Variants in GRIP1 observed in about 807,000 individuals in gnomAD.
GRIP1 encodes the protein glutamate receptor-interacting protein 1.
Under a neutral mutation model 129.9 loss-of-function variants are expected in GRIP1, and 45 were observed. The ratio of observed to expected loss-of-function variants is 0.35; its 90% CI spans 0.27 to 0.44. The LOEUF (loss-of-function observed/expected upper bound fraction) is 0.44, where lower values mean the gene tolerates loss of function less well. GRIP1 is among the 20% of genes least tolerant of loss of function. The pLI, the probability that GRIP1 is intolerant of heterozygous loss-of-function variation, is 1.00. For synonymous variants in GRIP1, 530 were observed against 520.8 expected (o/e 1.02, Z -0.24); for missense variants, 1,196 against 1,396.8 (o/e 0.86, Z 2.29).
chr12:66,926,825 A>G (rs1266086438), intron 1 of GRIP1, among the ~76,000 whole-genome samples: 1 of 152,244 alleles, frequency 6.6e-6, no homozygotes, highest in Non-Finnish European at 1.5e-5. Context: ...CTCTATTAAA[A>G]TAACAAAGCA....
upstream of GRIP1, among the ~76,000 whole-genome samples, chr12:66,682,682 A>G (rs2034631576): frequency 6.6e-6 from 1 of 152,144 alleles, no homozygotes; most frequent in African/African-American, 2.4e-5. Context: ...CGCTGTTTGG[A>G]GGTTCTTCTG....
chr12:66,537,936 A>G (rs2061655927), intron 4 of GRIP1, among the ~76,000 whole-genome samples: 1 of 152,232 alleles, frequency 6.6e-6, no homozygotes, highest in South Asian at 2.1e-4. Context: ...TTATGATTAT[A>G]GCAATTCCTC....
intron 1 of GRIP1, among the ~76,000 whole-genome samples, chr12:66,911,431 T>G (rs1592947630): frequency 6.6e-6 from 1 of 152,138 alleles, no homozygotes; most frequent in South Asian, 2.1e-4. Context: ...AAGATTGGAG[T>G]TCAGTCATCA....
At chr12:66,575,558 C>A (rs185555922) in intron 2 of GRIP1, among the ~76,000 whole-genome samples, 5 of 152,268 alleles carry the variant, frequency 3.3e-5, no homozygotes, top group Non-Finnish European at 5.9e-5. Context: ...AAGAAGAGTT[C>A]TTGCCACCAT....
chr12:66,688,347 T>A (rs1376771996), intron 1 of GRIP1, among the ~76,000 whole-genome samples: 1 of 152,168 alleles, frequency 6.6e-6, no homozygotes, highest in East Asian at 1.9e-4. Context: ...GCTGTGATGA[T>A]CAAATTAGAT....
At chr12:66,479,840 G>A (rs1438601976) in intron 7 of GRIP1, among the ~76,000 whole-genome samples, 2 of 139,630 alleles carry the variant, frequency 1.4e-5, no homozygotes, top group African/African-American at 5.1e-5. Flanking sequence ...CTCAATAGAT[G>A]TAGAAAAGGC....
intron 2 of GRIP1, chr12:66,567,439 T>C (rs1299509219): frequency 3.3e-5 from 5 of 152,272 alleles, no homozygotes; most frequent in Admixed American, 3.3e-4. Flanking sequence ...CCTCAGCAAA[T>C]GTAAAAGAAC....
intron 1 of GRIP1, among the ~76,000 whole-genome samples, chr12:66,827,925 T>C (rs1466701211): frequency 1.3e-5 from 2 of 152,218 alleles, no homozygotes; most frequent in African/African-American, 4.8e-5. Context: ...GTTTTCTTAG[T>C]GCTTCATTGG....
chr12:66,945,518 G>A lies in GRIP1; in HGVS notation c.58+123532C>T, dbSNP rs151061842. Among the ~76,000 whole-genome samples, 113 of 152,232 alleles carry A rather than the reference G, an allele frequency of 7.4e-4. No homozygotes were observed. The East Asian group carries it at 0.02, about 26-fold the overall frequency. ...TTAGGAAGCTTACAATCACAGCAAG[G>A]GGAGAAGTCCTCTCACATGGCAAAG... On this transcript the variant is annotated intron_variant, in intron 1 of 1. Transcript: ENST00000643019.
upstream of GRIP1, among the ~76,000 whole-genome samples, chr12:66,680,226 A>T (rs2034531514): frequency 6.6e-6 from 1 of 152,158 alleles, no homozygotes; most frequent in Non-Finnish European, 1.5e-5. Context: ...CTGTGAAAAA[A>T]CTTTCAAGCT....
intron 1 of GRIP1, among the ~76,000 whole-genome samples, chr12:66,725,494 T>TA (rs1302456367): frequency 2.0e-5 from 3 of 152,172 alleles, no homozygotes; most frequent in African/African-American, 7.2e-5. Context: ...ATACATAAAA[T>TA]AAGTAGGTAT....
chr12:66,474,823 A>G (rs2059553989), intron 7 of GRIP1, among the ~76,000 whole-genome samples: 2 of 152,240 alleles, frequency 1.3e-5, no homozygotes, highest in African/African-American at 2.4e-5. Context: ...GAGCTCCTGA[A>G]GGAATCACTA....
intron 19 of GRIP1, among the ~76,000 whole-genome samples, chr12:66,386,359 C>T (rs915044707): frequency 5.3e-5 from 8 of 152,244 alleles, no homozygotes; most frequent in East Asian, 1.9e-4. Flanking sequence ...TTCGGCCGGG[C>T]GCTGTGGCTC....
intron 1 of GRIP1, among the ~76,000 whole-genome samples, chr12:66,768,031 T>A (rs1750157333): frequency 1.3e-5 from 2 of 152,186 alleles, no homozygotes; most frequent in African/African-American, 2.4e-5. Context: ...CAGCAATGAG[T>A]AATAACATCT....
chr12:66,984,048 G>C (rs1158557244), intron 1 of GRIP1, among the ~76,000 whole-genome samples: 2 of 152,170 alleles, frequency 1.3e-5, no homozygotes, highest in Non-Finnish European at 2.9e-5. Context: ...ACCACAGCCA[G>C]CAATTTGCAG....
chr12:67,053,815 GAGAC>G (rs1242285377), intron 1 of GRIP1, among the ~76,000 whole-genome samples: 1 of 149,932 alleles, frequency 6.7e-6, no homozygotes, highest in African/African-American at 2.5e-5. Flanking sequence ...TCCAGCCTGG[GAGAC>G]AGACAGAGAC....
At chr12:66,351,828 A>T (rs1198762935) in intron 24 of GRIP1, among the ~76,000 whole-genome samples, 1 of 152,148 alleles carries the variant, frequency 6.6e-6, no homozygotes, top group African/African-American at 2.4e-5. Flanking sequence ...GGGAGGTGTA[A>T]AAACACACCG....
At chr12:66,483,948 C>G (rs1182281590) in intron 7 of GRIP1, among the ~76,000 whole-genome samples, 16 of 151,668 alleles carry the variant, frequency 1.1e-4, no homozygotes, top group Admixed American at 1.0e-3. Context: ...CAAGCTCCGC[C>G]TCCCGGGTTC....
At chr12:66,615,674 CT>C (rs1325943235) in intron 1 of GRIP1, among the ~76,000 whole-genome samples, 10 of 152,160 alleles carry the variant, frequency 6.6e-5, no homozygotes, top group African/African-American at 2.4e-4. Context: ...CGGAGTTTCA[CT>C]CTTGTCACCC....
Sources: allele counts gnomAD v4.1 joint callset (sites outside exome capture counted in the v4.1 genomes callset), GRCh38; gene constraint gnomAD v4.1.1; transcripts MANE v1.5; gene names NCBI Gene and HGNC (gene_info 2026-07-23, HGNC 2026-07-21).